SPTBN4: variants seen among roughly 807,000 people sequenced by gnomAD.
SPTBN4 encodes the protein spectrin beta, non-erythrocytic 4.
A neutral mutation model predicts 277.8 loss-of-function variants in SPTBN4; 96 were observed. That is an observed-to-expected ratio of 0.35 (90% confidence interval 0.29 to 0.41). SPTBN4 has a LOEUF of 0.41. SPTBN4 is among the 10% of genes least tolerant of loss of function. The probability of loss-of-function intolerance (pLI) is 1.00; values close to 1 mark genes in which losing one functional copy is unlikely to be tolerated. For synonymous variants in SPTBN4, 1,481 were observed against 1,580.3 expected (o/e 0.94, Z 1.49); for missense variants, 3,006 against 3,595.7 (o/e 0.84, Z 4.19).
intron 30 of SPTBN4, among the ~76,000 whole-genome samples, chr19:40,566,754 C>T (rs575129934): frequency 1.7e-4 from 26 of 152,022 alleles, no homozygotes; most frequent in Admixed American, 1.4e-3. Flanking sequence ...CACTTGAGGC[C>T]AGGAGTTTGA....
In SPTBN4 at chr19:40,478,370, T is replaced by C. The variant is rs1599710753; in HGVS notation, c.169+5580T>C. On this transcript the variant is annotated intron_variant, in intron 2 of 35. Coordinates refer to ENST00000598249, the MANE Select transcript of SPTBN4 (RefSeq NM_020971.3). ...TTGGGCAACAAAGCAAGATCCTGTA[T>C]GCACAAAACTTTAAAAATTAACTGG... Among the ~76,000 whole-genome samples, 5 of 152,084 alleles carry C rather than the reference T, an allele frequency of 3.3e-5. No individual in the cohort carries two copies. The South Asian group carries it at 1.0e-3, about 32-fold the overall frequency.
intron 26 of SPTBN4, among the ~76,000 whole-genome samples, chr19:40,558,400 A>G (rs2081006694): frequency 6.6e-6 from 1 of 151,890 alleles, no homozygotes; most frequent in African/African-American, 2.4e-5. Flanking sequence ...GATGGAAATC[A>G]TATGACTTTT....
intron 2 of SPTBN4, among the ~76,000 whole-genome samples, chr19:40,481,450 C>T (rs1301173306): frequency 6.6e-6 from 1 of 152,068 alleles, no homozygotes; most frequent in Non-Finnish European, 1.5e-5. Context: ...CTGTGCACCC[C>T]ACCCTTGCGA....
intron 16 of SPTBN4, 64 bp downstream of exon 16, chr19:40,520,215 C>T (rs1599759886): frequency 1.6e-6 from 2 of 1,274,560 alleles, no homozygotes; most frequent in Admixed American, 4.2e-5. Context: ...ATTGCAGGGA[C>T]AGGGACATGC....
Position 40,565,555 on chromosome 19 carries a change from T to C in SPTBN4, c.6048T>C (p.Ala2016=), listed in dbSNP as rs1243248570. The C allele has an allele frequency of 6.2e-7, 1 of 1,613,606 alleles. No homozygotes were observed. The highest frequency in any genetic ancestry group is 2.2e-5 in the East Asian group (1 of 44,868). The change falls in exon 28 of 36, where the codon GCT becomes GCC. Residue 2016 remains alanine (A), a synonymous_variant. Coordinates refer to ENST00000598249, the MANE Select transcript of SPTBN4 (RefSeq NM_020971.3). ...RSLLLNKSAM[A]DEIQAQLDKL... is the part of the protein sequence containing the mutation. ...TGCTGCTCAACAAAAGTGCCATGGC[T>C]GATGAGGTGGGGAGCAGGGAGGGGG... is the stretch of plus-strand genomic sequence containing the variant.
In SPTBN4 at chr19:40,554,617, G is replaced by A; in HGVS notation, c.5055G>A (p.Arg1685=). ...ESIAQLSRQC[R]ALLEMGHPDS... is the part of the protein sequence containing the mutation. ...TCGCGCAGCTGTCGCGCCAGTGCCG[G>A]GCGCTGCTGGAGATGGGGCACCCGG... Residue 1685 remains arginine, a synonymous_variant, in exon 24 of 36, where the codon CGG becomes CGA. Coordinates refer to ENST00000598249, the MANE Select transcript of SPTBN4 (RefSeq NM_020971.3). The surrounding 1 kb of genome is among the most constrained non-coding windows in gnomAD (Gnocchi z 5.7). The A allele has an allele frequency of 6.3e-7, 1 of 1,577,848 alleles. No individual in the cohort carries two copies. The highest frequency in any genetic ancestry group is 8.6e-7 in the Non-Finnish European group (1 of 1,161,610).
In SPTBN4 at chr19:40,515,940, T is replaced by TACACAC; in HGVS notation, c.2903+494_2903+495insACACAC. Among the ~76,000 whole-genome samples the TACACAC allele has an allele frequency of 1.4e-5, 1 of 72,922 alleles. No homozygotes were observed. The highest frequency in any genetic ancestry group is 5.2e-4 in the South Asian group (1 of 1,912). 47.8% of individuals were successfully genotyped at this position (72,922 alleles called of 152,430 possible). A position where few individuals can be genotyped will look rare whatever the true frequency, so the allele number is the denominator to read the frequency against. On this transcript the variant is annotated intron_variant, in intron 15 of 35. Transcript: ENST00000598249. This position sits in a 1 kb window ranked among gnomAD's most constrained non-coding sequence, Gnocchi z 4.1. ...ACACACATATATATACACACATATA[T>TACACAC]ACGTATATATACACATATATACGTA...
At chr19:40,501,385 T>C (rs755037229) in intron 7 of SPTBN4, among the ~76,000 whole-genome samples, 1 of 152,108 alleles carries the variant, frequency 6.6e-6, no homozygotes, top group African/African-American at 2.4e-5. Context: ...GAAACAAATA[T>C]AGGCCAGGTG....
chr19:40,481,843 T>C (rs192036852), intron 2 of SPTBN4, among the ~76,000 whole-genome samples: 1 of 152,274 alleles, frequency 6.6e-6, no homozygotes, highest in Admixed American at 6.5e-5. Context: ...TACTTTGCAT[T>C]TTCCTGATGA....
At chr19:40,568,948 C>T (rs893065722) in intron 31 of SPTBN4, among the ~76,000 whole-genome samples, 1 of 152,104 alleles carries the variant, frequency 6.6e-6, no homozygotes, top group Non-Finnish European at 1.5e-5. Context: ...TGTGCTGAGT[C>T]GAGCGGTGAC....
At position 40,504,193 on chromosome 19, in the gene SPTBN4, C is replaced by T. The variant is rs2080298038; in HGVS notation, c.1665+61C>T. The T allele has an allele frequency of 2.0e-6, 3 of 1,516,536 alleles. No homozygotes were observed. In the South Asian group the frequency reaches 3.7e-5, roughly 19 times the overall value. 93.9% of individuals were successfully genotyped at this position (1,516,536 alleles called of 1,614,324 possible). ...CAGGAGGGAGGGGAGGATGCAGACG[C>T]TGAAAGAGTTGTCAGACAGCTGGAG... On this transcript the variant is annotated intron_variant, in intron 12 of 35. Coordinates refer to ENST00000598249, the MANE Select transcript of SPTBN4 (RefSeq NM_020971.3).
chr19:40,563,923 T>A (rs2145947874), intron 27 of SPTBN4, among the ~76,000 whole-genome samples: 1 of 151,842 alleles, frequency 6.6e-6, no homozygotes, highest in East Asian at 2.0e-4. Flanking sequence ...GGCGGGCACC[T>A]GTAATCCCAG....
intron 17 of SPTBN4, among the ~76,000 whole-genome samples, chr19:40,528,207 G>GC: frequency 6.6e-6 from 1 of 152,168 alleles, no homozygotes; most frequent in Non-Finnish European, 1.5e-5. Context: ...ATGCATGGGA[G>GC]CCCATGTGGG....
rs534690281 is a variant in SPTBN4 at position 40,529,234 on chromosome 19, G to T, written c.3948+103G>T. The T allele has an allele frequency of 2.4e-4, 271 of 1,117,602 alleles. 1 individual carries two copies. The highest frequency in any genetic ancestry group is 4.0e-4 in the South Asian group (30 of 75,710). The allele number at this position is 1,117,602 out of a possible 1,614,324, so 69.2% of individuals were successfully genotyped here. On this transcript the variant is annotated intron_variant, in intron 18 of 35. Coordinates refer to ENST00000598249, the MANE Select transcript of SPTBN4 (RefSeq NM_020971.3). ...TGGGGACGCCCCGTCTAAGTGGGTC[G>T]CGGAGCGATGCTCGCTCTAAGCCGC...
chr19:40,490,162 C>G lies in SPTBN4; in HGVS notation c.409C>G (p.Leu137Val). The change falls in exon 4 of 36, where the codon CTG becomes GTG. Residue 137 changes from leucine (L) to valine (V), a missense_variant. Leu to Val is a conservative substitution (Grantham distance 32). Around this residue, in one of 5 missense-constraint regions of SPTBN4, gnomAD observed 114 missense variants for 196.1 expected, o/e 0.58. Transcript: ENST00000598249. The surrounding 1 kb of genome is among the most constrained non-coding windows in gnomAD (Gnocchi z 4.3). ...GTTTCTGAAGGAGCAGCGCGTGCAC[C>G]TGGAGAACGTGGGTTCGCATGACAT... ...LQFLKEQRVH[L>V]ENVGSHDIVD... 6.2e-7 allele frequency: 1 copy of G among 1,614,216 alleles called. No individual in the cohort carries two copies. Among genetic ancestry groups the G allele is most frequent in the African/African-American group, 1.3e-5 (1 of 75,054 alleles).
chr19:40,545,904 G>A (rs373077104), intron 20 of SPTBN4, among the ~76,000 whole-genome samples: 25 of 152,192 alleles, frequency 1.6e-4, no homozygotes, highest in East Asian at 3.9e-4. Context: ...TTAGTCAGGC[G>A]TGGTGGTGGG....
At position 40,467,180 on chromosome 19, in the gene SPTBN4, G is replaced by T. The variant is rs2079833118; in HGVS notation, c.-141G>T. 6.7e-6 allele frequency: 1 copy of T among 149,440 alleles called. No individual in the cohort carries two copies. Among genetic ancestry groups the T allele is most frequent in the Non-Finnish European group, 1.5e-5 (1 of 66,718 alleles). 9.3% of individuals were successfully genotyped at this position (149,440 alleles called of 1,614,324 possible). On this transcript the variant is annotated 5_prime_UTR_variant, in exon 1 of 36. Coordinates refer to ENST00000598249, the MANE Select transcript of SPTBN4 (RefSeq NM_020971.3). The stretch of plus-strand genomic sequence containing the variant: ...CGCATGCGGATCTGGCTGAGCCGCG[G>T]GCCGGCGGGGCCGAGCTGAGCCGGG...
At chr19:40,563,260 T>C (rs1371604750) in intron 27 of SPTBN4, among the ~76,000 whole-genome samples, 1 of 152,024 alleles carries the variant, frequency 6.6e-6, no homozygotes, top group African/African-American at 2.4e-5. Flanking sequence ...GGTGCATGCC[T>C]GTAGTCCCAG....
intron 35 of SPTBN4, among the ~76,000 whole-genome samples, chr19:40,573,657 C>G (rs1471873206): frequency 6.6e-6 from 1 of 151,548 alleles, no homozygotes; most frequent in African/African-American, 2.4e-5. Flanking sequence ...ATGGAGAAAC[C>G]CCATCTCTTA....
Sources: allele counts gnomAD v4.1 joint callset (sites outside exome capture counted in the v4.1 genomes callset), GRCh38; gene constraint gnomAD v4.1.1; regional missense constraint gnomAD v4.1.1; non-coding constraint Gnocchi (gnomAD v3.1); transcripts MANE v1.5; gene names NCBI Gene and HGNC (gene_info 2026-07-23, HGNC 2026-07-21).